Variants in CELSR1 observed in about 807,000 individuals in gnomAD.
The protein encoded by CELSR1 is adhesion G protein-coupled receptor C1.
A neutral mutation model predicts 249.1 loss-of-function variants in CELSR1; 110 were observed. The observed-to-expected ratio is 0.44, with a 90% CI of 0.38 to 0.52. The LOEUF (loss-of-function observed/expected upper bound fraction) is 0.52. Among genes scored for constraint, CELSR1 ranks in the 20% least tolerant of loss-of-function variants. CELSR1 has a pLI of 0.00. For missense variants in CELSR1, 4,109 were observed against 4,296.4 expected (o/e 0.96, Z 1.22); for synonymous variants, 2,113 against 1,900.0 (o/e 1.11, Z -2.92).
rs1431050265 is a variant in CELSR1, at chr22:46,536,781, C to G, written c.390G>C (p.Ala130=). ...LCGTGARLCG[A]LCFPVPGGCA... The stretch of plus-strand genomic sequence containing the variant: ...AGCCGCCGGGGACGGGGAAGCAGAG[C>G]GCCCCGCAGAGCCGGGCACCGGTTC... Residue 130 remains alanine (A), a synonymous_variant, in exon 1 of 35, where the codon GCG becomes GCC. Coordinates refer to ENST00000674500, the MANE Select transcript of CELSR1 (RefSeq NM_001378328.1). 1.7e-6 allele frequency: 2 copies of G among 1,185,328 alleles called. No homozygotes were observed. The highest frequency in any genetic ancestry group is 2.1e-6 in the Non-Finnish European group (2 of 959,954). The allele number at this position is 1,185,328 out of a possible 1,614,324, so 73.4% of individuals were successfully genotyped here.
chr22:46,534,514 T>C lies in CELSR1; in HGVS notation c.2657A>G (p.Asn886Ser). ...TTLEILILDA[N>S]DNAPQFLWDF... ...CCACAGGAACTGGGGTGCATTGTCA[T>C]TGGCATCGAGGATGAGGATCTCTAG... Residue 886 changes from asparagine to serine, a missense_variant, in exon 1 of 35, where the codon AAT (asparagine) becomes AGT (serine). Asn to Ser is a conservative substitution (Grantham distance 46, BLOSUM62 1). This residue lies in a region of CELSR1 where 886 missense variants were observed against 896.5 expected (regional missense o/e 0.99). Transcript: ENST00000674500. This position sits in a 1 kb window ranked among gnomAD's most constrained non-coding sequence, Gnocchi z 9.7. 2.5e-6 allele frequency: 4 copies of C among 1,613,396 alleles called. No individual in the cohort carries two copies. Among genetic ancestry groups the C allele is most frequent in the Non-Finnish European group, 2.5e-6 (3 of 1,180,000 alleles).
chr22:46,436,376 G>A lies in CELSR1; in HGVS notation c.4407-87C>T, dbSNP rs1043700368. The A allele has an allele frequency of 4.5e-6, 4 of 887,060 alleles. No homozygotes were observed. The highest frequency in any genetic ancestry group is 7.3e-6 in the Non-Finnish European group (4 of 546,466). 54.9% of individuals were successfully genotyped at this position (887,060 alleles called of 1,614,324 possible). On this transcript the variant is annotated intron_variant, in intron 3 of 34. Transcript: ENST00000674500. The surrounding 1 kb of genome is among the most constrained non-coding windows in gnomAD (Gnocchi z 5.9). ...GAATGACAAGTCCAGCCGGAGGAGGGCAAGCACGTGGGGCTACGATTCAGG... is the reference window on the plus strand; with the variant it reads ...GAATGACAAGTCCAGCCGGAGGAGGACAAGCACGTGGGGCTACGATTCAGG...
chr22:46,415,827 G>C (rs1246840945), intron 5 of CELSR1, among the ~76,000 whole-genome samples: 1 of 152,196 alleles, frequency 6.6e-6, no homozygotes. Flanking sequence ...GTCGAGAGGC[G>C]CATGGACAAT....
intron 23 of CELSR1, among the ~76,000 whole-genome samples, chr22:46,378,029 G>A (rs1261525223): frequency 1.3e-5 from 2 of 151,828 alleles, no homozygotes; most frequent in Admixed American, 6.6e-5. Flanking sequence ...TCTGGATAAC[G>A]GGAGGCCAGG....
In CELSR1 at chr22:46,410,357, T is replaced by C; in HGVS notation, c.4933+41A>G. 2 of 1,599,244 alleles carry C rather than the reference T, an allele frequency of 1.3e-6. No individual in the cohort carries two copies. Among genetic ancestry groups the C allele is most frequent in the South Asian group, 2.2e-5 (2 of 90,722 alleles). On this transcript the variant is annotated intron_variant, in intron 7 of 34. Coordinates refer to ENST00000674500, the MANE Select transcript of CELSR1 (RefSeq NM_001378328.1). The surrounding 1 kb of genome is among the most constrained non-coding windows in gnomAD (Gnocchi z 6.8). ...GTGTGGCTGCCGACGTCCAGCCAGA[T>C]GCCACTGCGGCAGCTCCGACGCCCT...
At chr22:46,492,730 G>A (rs974755598) in intron 1 of CELSR1, among the ~76,000 whole-genome samples, 3 of 150,342 alleles carry the variant, frequency 2.0e-5, no homozygotes, top group African/African-American at 4.9e-5. Flanking sequence ...CAGGAGAATC[G>A]CTCGAGGCAA....
chr22:46,478,725 G>C (rs994935979), intron 1 of CELSR1, among the ~76,000 whole-genome samples: 2 of 95,712 alleles, frequency 2.1e-5, no homozygotes, highest in African/African-American at 7.3e-5. Context: ...TTTTTTTTTT[G>C]GTATTTTTAG....
chr22:46,369,919 G>C (rs752920977), intron 25 of CELSR1, 115 bp from the exon 26 acceptor site: 1 of 878,858 alleles, frequency 1.1e-6, no homozygotes, highest in Middle Eastern at 2.1e-4. Flanking sequence ...CCTTCTCAGA[G>C]GAAGGAGCAA....
At position 46,413,747 on chromosome 22, in the gene CELSR1, T is replaced by C. The variant is rs2079364460; in HGVS notation, c.4612-1988A>G. ...AACAGGTAGGCGAGTGCATTAAAAA[T>C]CATCTGTTTTCTCGCTGTGTAACGC... On this transcript the variant is annotated intron_variant, in intron 5 of 34. Transcript: ENST00000674500. This position sits in a 1 kb window ranked among gnomAD's most constrained non-coding sequence, Gnocchi z 4.7. 1.3e-5 allele frequency among the ~76,000 whole-genome samples: 2 copies of C among 152,202 alleles called. No homozygotes were observed. The highest frequency in any genetic ancestry group is 6.5e-5 in the Admixed American group (1 of 15,282).
Position 46,488,762 on chromosome 22 carries a change from C to G in CELSR1, c.3545-24417G>C, listed in dbSNP as rs559772743. Among the ~76,000 whole-genome samples, 24 of 152,146 alleles carry G rather than the reference C, an allele frequency of 1.6e-4. No homozygotes were observed. The highest frequency in any genetic ancestry group is 5.3e-4 in the African/African-American group (22 of 41,508). On this transcript the variant is annotated intron_variant, in intron 1 of 34. Coordinates refer to ENST00000674500, the MANE Select transcript of CELSR1 (RefSeq NM_001378328.1). This position sits in a 1 kb window ranked among gnomAD's most constrained non-coding sequence, Gnocchi z 4.7. ...GCAAGCTCCACCTCCCAGGTTCATGCCATTCTCCTGCCTCAGCCTCCCGAG... is the reference window on the plus strand; with the variant it reads ...GCAAGCTCCACCTCCCAGGTTCATGGCATTCTCCTGCCTCAGCCTCCCGAG...
At chr22:46,450,761 C>A (rs1460909324) in intron 2 of CELSR1, among the ~76,000 whole-genome samples, 1 of 152,192 alleles carries the variant, frequency 6.6e-6, no homozygotes, top group Non-Finnish European at 1.5e-5. Flanking sequence ...TCCAAACCCC[C>A]ACAGCACTGC....
At position 46,408,578 on chromosome 22, in the gene CELSR1, G is replaced by A. The variant is rs956891849; in HGVS notation, c.5226+418C>T. On this transcript the variant is annotated intron_variant, in intron 9 of 34. Transcript: ENST00000674500. The surrounding 1 kb of genome is among the most constrained non-coding windows in gnomAD (Gnocchi z 4.6). The stretch of plus-strand genomic sequence containing the variant: ...TCGAACTTCTGACCTCAGGTGATCC[G>A]CCGGCCTCCGCCACCCAAAGTGTTG... Among the ~76,000 whole-genome samples, 2 of 152,102 alleles carry A rather than the reference G, an allele frequency of 1.3e-5. No individual in the cohort carries two copies. The highest frequency in any genetic ancestry group is 2.9e-5 in the Non-Finnish European group (2 of 68,014).
At position 46,484,072 on chromosome 22, in the gene CELSR1, C is replaced by T. The variant is rs907882857; in HGVS notation, c.3545-19727G>A. Among the ~76,000 whole-genome samples the T allele has an allele frequency of 3.3e-5, 5 of 152,236 alleles. No individual in the cohort carries two copies. Among genetic ancestry groups the T allele is most frequent in the Admixed American group, 6.5e-5 (1 of 15,284 alleles). ...ATTCCCAGGCTCCCACGGGCTCCCA[C>T]GCTCTGCCCTGGCTCTCAGACTCAC... On this transcript the variant is annotated intron_variant, in intron 1 of 34. Coordinates refer to ENST00000674500, the MANE Select transcript of CELSR1 (RefSeq NM_001378328.1). The surrounding 1 kb of genome is among the most constrained non-coding windows in gnomAD (Gnocchi z 4.5).
At position 46,389,388 on chromosome 22, in the gene CELSR1, C is replaced by A; in HGVS notation, c.6457G>T (p.Val2153Leu). The change falls in exon 18 of 35, where the codon GTG becomes TTG. Residue 2153 changes from valine to leucine, a missense_variant. Physicochemically the swap from Val to Leu is conservative, Grantham distance 32 (BLOSUM62 1). Coordinates refer to ENST00000674500, the MANE Select transcript of CELSR1 (RefSeq NM_001378328.1). ...QHTGTLFGND[V>L]RTAYQLLGHV... ...CCCAGCAGCTGGTAGGCCGTGCGCA[C>A]GTCATTGCCAAAGAGCGTGCCCGTG... 6.2e-7 allele frequency: 1 copy of A among 1,611,782 alleles called. No individual in the cohort carries two copies. Among genetic ancestry groups the A allele is most frequent in the East Asian group, 2.2e-5 (1 of 44,880 alleles).
At position 46,407,881 on chromosome 22, in the gene CELSR1, G is replaced by C. The variant is rs1049756665; in HGVS notation, c.5226+1115C>G. On this transcript the variant is annotated intron_variant, in intron 9 of 34. Coordinates refer to ENST00000674500, the MANE Select transcript of CELSR1 (RefSeq NM_001378328.1). This position sits in a 1 kb window ranked among gnomAD's most constrained non-coding sequence, Gnocchi z 4.8. ...GGTCACAGCAGCTGGGTTTACAGGA[G>C]AGCGCCCGTGCCCCGCCATCACTAC... is the stretch of plus-strand genomic sequence containing the variant. Among the ~76,000 whole-genome samples, 8 of 152,188 alleles carry C rather than the reference G, an allele frequency of 5.3e-5. No individual in the cohort carries two copies. Among genetic ancestry groups the C allele is most frequent in the Non-Finnish European group, 1.2e-4 (8 of 68,038 alleles).
Position 46,485,972 on chromosome 22 carries a change from T to G in CELSR1, c.3545-21627A>C, listed in dbSNP as rs9615370. Reference sequence around the variant, plus strand: ...TTTTTTTTTGAGACTGAGTCTCGCTTTGTCGCCCAGGCCGGAGTGCAGTGG... The same window carrying G: ...TTTTTTTTTGAGACTGAGTCTCGCTGTGTCGCCCAGGCCGGAGTGCAGTGG... On this transcript the variant is annotated intron_variant, in intron 1 of 34. Coordinates refer to ENST00000674500, the MANE Select transcript of CELSR1 (RefSeq NM_001378328.1). 1.7e-4 allele frequency among the ~76,000 whole-genome samples: 23 copies of G among 136,426 alleles called. No individual in the cohort carries two copies. In the South Asian group the frequency reaches 4.8e-3, roughly 29 times the overall value. The allele number at this position is 136,426 out of a possible 152,430, so 89.5% of individuals were successfully genotyped here.
Position 46,380,954 on chromosome 22 carries a change from A to G in CELSR1, c.7090T>C (p.Leu2364=), listed in dbSNP as rs1376490885. 1 of 1,611,466 alleles carries G rather than the reference A, an allele frequency of 6.2e-7. No individual in the cohort carries two copies. Among genetic ancestry groups the G allele is most frequent in the Non-Finnish European group, 8.5e-7 (1 of 1,178,450 alleles). The change falls in exon 22 of 35, where the codon TTG becomes CTG. Residue 2364 remains leucine, a splice_region_variant and synonymous_variant. Coordinates refer to ENST00000674500, the MANE Select transcript of CELSR1 (RefSeq NM_001378328.1). This position sits in a 1 kb window ranked among gnomAD's most constrained non-coding sequence, Gnocchi z 5.1. ...RYDPDRRSLR[L]PHRPIINTPM... is the part of the protein sequence containing the mutation. ...GTATTAATGATGGGCCGGTGAGGCAACCTGAGGTCAAGAAGCCAGAGCATG... is the reference window on the plus strand; with the variant it reads ...GTATTAATGATGGGCCGGTGAGGCAGCCTGAGGTCAAGAAGCCAGAGCATG...
rs1048899558 is a variant in CELSR1, at chr22:46,362,333, C to G, written c.*890G>C. ...GTGACCTCAGCAGGGCTCCTCACAC[C>G]TGCCTAGTGCTGCACTGCCCTGTCT... is the stretch of plus-strand genomic sequence containing the variant. On this transcript the variant is annotated 3_prime_UTR_variant, in exon 35 of 35. Transcript: ENST00000674500. 1 of 152,332 alleles carries G rather than the reference C, an allele frequency of 6.6e-6. No homozygotes were observed. Among genetic ancestry groups the G allele is most frequent in the African/African-American group, 2.4e-5 (1 of 41,474 alleles). 9.4% of individuals were successfully genotyped at this position (152,332 alleles called of 1,614,324 possible).
rs778377506 is a variant in CELSR1 at position 46,506,929 on chromosome 22, GC to G, written c.3544+26697del. On this transcript the variant is annotated intron_variant, in intron 1 of 34. Coordinates refer to ENST00000674500, the MANE Select transcript of CELSR1 (RefSeq NM_001378328.1). This position sits in a 1 kb window ranked among gnomAD's most constrained non-coding sequence, Gnocchi z 4.1. ...AACCGATTCCAGGCGGGGCGTGGTG[GC>G]TCACGTTTGTAATCCCAGCACTTTG... Among the ~76,000 whole-genome samples the G allele has an allele frequency of 2.6e-5, 4 of 152,182 alleles. No individual in the cohort carries two copies. Among genetic ancestry groups the G allele is most frequent in the Non-Finnish European group, 5.9e-5 (4 of 68,040 alleles).
Sources: gnomAD v4.1 joint callset for allele counts (sites outside exome capture counted in the v4.1 genomes callset) on GRCh38, gnomAD v4.1.1 for gene constraint, gnomAD v4.1.1 regional missense constraint, Gnocchi (gnomAD v3.1) non-coding constraint, MANE v1.5 for transcripts, NCBI Gene and HGNC (gene_info 2026-07-23, HGNC 2026-07-21) for gene names.